The following PARP8 variants were observed in gnomAD, a reference collection of about 807,000 sequenced individuals.
PARP8 encodes the protein poly(ADP-ribose) polymerase family member 8, also known as protein mono-ADP-ribosyltransferase PARP8.
PARP8 carries 51 observed loss-of-function variants against 124.1 expected under a neutral mutation model. That is an observed-to-expected ratio of 0.41 (90% confidence interval 0.33 to 0.52). The LOEUF is 0.52. Ranked by LOEUF, PARP8 falls within the 20% of genes least tolerant of loss-of-function variation. PARP8 has a pLI of 0.21. For missense variants in PARP8, 860 were observed against 1,018.9 expected (o/e 0.84, Z 2.12); for synonymous variants, 391 against 361.5 (o/e 1.08, Z -0.93).
intron 6 of PARP8, 48 bp downstream of exon 6, chr5:50,761,946 C>A (rs754282894): frequency 1.3e-5 from 16 of 1,226,374 alleles, no homozygotes; most frequent in Middle Eastern, 3.8e-4. Flanking sequence ...GTTCTAATAG[C>A]CATGTTGTCC....
Position 50,843,390 on chromosome 5 carries a change from G to T in PARP8, c.*1322G>T, listed in dbSNP as rs778183677. 6.6e-6 allele frequency: 1 copy of T among 151,732 alleles called. No individual in the cohort carries two copies. Among genetic ancestry groups the T allele is most frequent in the Non-Finnish European group, 1.5e-5 (1 of 67,820 alleles). The allele number at this position is 151,732 out of a possible 1,614,324, so 9.4% of individuals were successfully genotyped here. On this transcript the variant is annotated 3_prime_UTR_variant, in exon 26 of 26. Transcript: ENST00000281631. ...AATTTATGTAAAAAAAAATAAAAAT[G>T]TATAGTCATTTGCAAGTATAATGTG...
At chr5:50,739,379 AT>A (rs1212612581) in intron 2 of PARP8, among the ~76,000 whole-genome samples, 2 of 129,484 alleles carry the variant, frequency 1.5e-5, no homozygotes, top group South Asian at 2.4e-4. Context: ...TCATTCGTTA[AT>A]TTTTTTTGTG....
At chr5:50,737,770 T>C (rs1243081389) in intron 2 of PARP8, among the ~76,000 whole-genome samples, 2 of 152,204 alleles carry the variant, frequency 1.3e-5, no homozygotes, top group African/African-American at 4.8e-5. Flanking sequence ...TCTTGTTAAA[T>C]GGCCACCTTT....
rs1742613623 is a variant in PARP8, at chr5:50,796,880, TA to T, written c.1429-99del. The T allele has an allele frequency of 3.0e-6, 3 of 1,003,088 alleles. No homozygotes were observed. In the South Asian group the frequency reaches 5.4e-5, roughly 18 times the overall value. The allele number at this position is 1,003,088 out of a possible 1,614,324, so 62.1% of individuals were successfully genotyped here. ...ACTCAATTCATATTTCATGTGATCTTAAATCACTTTCGTATTCACTATTGCA... is the reference window on the plus strand; with the variant it reads ...ACTCAATTCATATTTCATGTGATCTTAATCACTTTCGTATTCACTATTGCA... On this transcript the variant is annotated intron_variant, in intron 12 of 25. Transcript: ENST00000281631.
chr5:50,742,131 G>T (rs1758115105), intron 2 of PARP8, among the ~76,000 whole-genome samples: 1 of 152,204 alleles, frequency 6.6e-6, no homozygotes, highest in African/African-American at 2.4e-5. Context: ...TCTAGAAGGA[G>T]AACTTAGTGT....
At chr5:50,788,677 A>C in intron 10 of PARP8, 88 bp downstream of exon 10, 2 of 728,940 alleles carry the variant, frequency 2.7e-6, no homozygotes, top group South Asian at 5.8e-5. Flanking sequence ...ACAAAAACCT[A>C]TTCAGTAAGA....
intron 14 of PARP8, among the ~76,000 whole-genome samples, chr5:50,797,775 G>A (rs1050435409): frequency 2.0e-5 from 3 of 152,056 alleles, no homozygotes; most frequent in African/African-American, 4.8e-5. Context: ...TGGAGAGAAC[G>A]ATTCAATTTT....
chr5:50,727,424 T>G (rs927278447), intron 2 of PARP8, among the ~76,000 whole-genome samples: 2 of 152,174 alleles, frequency 1.3e-5, no homozygotes, highest in Non-Finnish European at 2.9e-5. Flanking sequence ...GTTTTCATAT[T>G]TTTGTTCTTT....
At chr5:50,803,961 C>T (rs565940516) in intron 14 of PARP8, among the ~76,000 whole-genome samples, 1 of 152,198 alleles carries the variant, frequency 6.6e-6, no homozygotes, top group South Asian at 2.1e-4. Flanking sequence ...AGTCCTTAGC[C>T]TTCATTCCTG....
intron 6 of PARP8, among the ~76,000 whole-genome samples, chr5:50,762,357 GAAA>G (rs2149579269): frequency 6.6e-6 from 1 of 152,124 alleles, no homozygotes; most frequent in African/African-American, 2.4e-5. Flanking sequence ...TCTTGGTGTT[GAAA>G]AATTGTTATG....
intron 25 of PARP8, among the ~76,000 whole-genome samples, chr5:50,836,825 C>A (rs569679132): frequency 1.3e-5 from 2 of 152,244 alleles, no homozygotes; most frequent in East Asian, 3.9e-4. Context: ...CAAAAAGAAG[C>A]TTTCAGTCAC....
rs868794732 is a variant in PARP8, at chr5:50,812,955, C to A, written c.1576-2477C>A. Among the ~76,000 whole-genome samples the A allele has an allele frequency of 1.5e-3, 233 of 152,086 alleles. 2 individuals are homozygous for A. The highest frequency in any genetic ancestry group is 5.4e-3 in the African/African-American group (226 of 41,506). ...TCTGTTCTGTTCCATTGGTCTATAT[C>A]TCTGTTTTGGTACCAGTACCATGCT... On this transcript the variant is annotated intron_variant, in intron 14 of 25. Coordinates refer to ENST00000281631, the MANE Select transcript of PARP8 (RefSeq NM_024615.4).
At chr5:50,679,239 T>G (rs947368835) in intron 2 of PARP8, among the ~76,000 whole-genome samples, 1 of 152,178 alleles carries the variant, frequency 6.6e-6, no homozygotes. Flanking sequence ...AGTCCAAGTC[T>G]AAACCTTTAT....
At chr5:50,838,294 C>A (rs186859076) in intron 25 of PARP8, among the ~76,000 whole-genome samples, 1 of 151,988 alleles carries the variant, frequency 6.6e-6, no homozygotes, top group African/African-American at 2.4e-5. Flanking sequence ...CCAAGTTTAT[C>A]TTTTCACAAT....
At chr5:50,811,715 A>G (rs1402584283) in intron 14 of PARP8, among the ~76,000 whole-genome samples, 2 of 151,990 alleles carry the variant, frequency 1.3e-5, no homozygotes, top group Admixed American at 6.6e-5. Context: ...CATTAGGTAT[A>G]TCTCCTAATG....
intron 2 of PARP8, among the ~76,000 whole-genome samples, chr5:50,675,604 C>T (rs968019826): frequency 1.4e-4 from 22 of 152,200 alleles, no homozygotes; most frequent in Non-Finnish European, 1.6e-4. Context: ...CCAGCCATGG[C>T]GCCCGGCCTG....
At chr5:50,784,970 G>C (rs1410812018) in intron 9 of PARP8, among the ~76,000 whole-genome samples, 1 of 151,666 alleles carries the variant, frequency 6.6e-6, no homozygotes, top group Non-Finnish European at 1.5e-5. Context: ...CTAGTACAGA[G>C]GTCCCATACA....
At chr5:50,805,835 ACCAAAATCAAC>A (rs1418775422) in intron 14 of PARP8, among the ~76,000 whole-genome samples, 1 of 152,058 alleles carries the variant, frequency 6.6e-6, no homozygotes, top group East Asian at 1.9e-4. Flanking sequence ...TTATTCTGAA[ACCAAAATCAAC>A]TAAATCAGCA....
chr5:50,714,098 T>C (rs1485608052), intron 2 of PARP8, among the ~76,000 whole-genome samples: 2 of 151,520 alleles, frequency 1.3e-5, no homozygotes, highest in Non-Finnish European at 2.9e-5. Flanking sequence ...TTTTTTTTTT[T>C]TCCCCAGAAT....
Sources: allele counts gnomAD v4.1 joint callset (sites outside exome capture counted in the v4.1 genomes callset), GRCh38; gene constraint gnomAD v4.1.1; transcripts MANE v1.5; gene names NCBI Gene and HGNC (gene_info 2026-07-23, HGNC 2026-07-21).